Variants in SUMF1 observed in about 807,000 individuals in gnomAD.
The protein encoded by SUMF1 is sulfatase modifying factor 1.
SUMF1 carries 48 observed loss-of-function variants against 47.6 expected under a neutral mutation model. That is an observed-to-expected ratio of 1.01 (90% CI 0.80 to 1.28). SUMF1 has a LOEUF of 1.28. SUMF1 is among the 50% of genes most tolerant of loss of function. The probability of loss-of-function intolerance (pLI) is 0.00; values close to 1 mark genes in which losing one functional copy is unlikely to be tolerated. For synonymous variants in SUMF1, 230 were observed against 192.1 expected (o/e 1.20, Z -1.63); for missense variants, 571 against 485.4 (o/e 1.18, Z -1.66).
At chr3:4,196,244 A>G (rs1329634307) in intron 8 of SUMF1, among the ~76,000 whole-genome samples, 1 of 152,106 alleles carries the variant, frequency 6.6e-6, no homozygotes, top group Non-Finnish European at 1.5e-5. Context: ...TGCAACTCCA[A>G]TCATAAGGTC....
At chr3:4,140,996 CA>C (rs1338036441) in intron 8 of SUMF1, among the ~76,000 whole-genome samples, 4 of 152,064 alleles carry the variant, frequency 2.6e-5, no homozygotes, top group African/African-American at 7.2e-5. Context: ...ACATGATAAG[CA>C]AGTAAGAGAC....
intron 8 of SUMF1, chr3:4,313,871 G>C (rs1451220936): frequency 1.3e-6 from 2 of 1,536,786 alleles, no homozygotes; most frequent in South Asian, 2.5e-5. Flanking sequence ...ATGTGGCAGA[G>C]ACTGCAAGTT....
intron 3 of SUMF1, among the ~76,000 whole-genome samples, chr3:4,434,569 C>T (rs1386535886): frequency 1.3e-5 from 2 of 152,076 alleles, no homozygotes; most frequent in Non-Finnish European, 2.9e-5. Flanking sequence ...TACTAAAAGG[C>T]CTTCTATGTG....
At chr3:4,164,151 C>T (rs1028658434) in intron 8 of SUMF1, among the ~76,000 whole-genome samples, 3 of 152,126 alleles carry the variant, frequency 2.0e-5, no homozygotes, top group African/African-American at 7.2e-5. Context: ...ACAAGAAAGG[C>T]ATGTGAAAAG....
intron 8 of SUMF1, among the ~76,000 whole-genome samples, chr3:4,080,660 C>T (rs1455141843): frequency 6.6e-6 from 1 of 152,068 alleles, no homozygotes; most frequent in Non-Finnish European, 1.5e-5. Context: ...CACAGACATA[C>T]ATGTAATATA....
intron 8 of SUMF1, among the ~76,000 whole-genome samples, chr3:4,365,256 A>G (rs1329127670): frequency 8.3e-6 from 1 of 120,608 alleles, no homozygotes; most frequent in Non-Finnish European, 2.0e-5. Flanking sequence ...GCTGAGTTCA[A>G]TTCCTGGATA....
chr3:4,245,350 T>C (rs988999446), intron 8 of SUMF1, among the ~76,000 whole-genome samples: 3 of 152,228 alleles, frequency 2.0e-5, no homozygotes, highest in African/African-American at 7.2e-5. Flanking sequence ...CTTTCTGCTC[T>C]GGTCTCTCCC....
At chr3:4,257,954 G>A (rs929482440) in intron 8 of SUMF1, among the ~76,000 whole-genome samples, 160 of 152,028 alleles carry the variant, frequency 1.1e-3, no homozygotes, top group African/African-American at 3.7e-3. Flanking sequence ...CAGAAATAAC[G>A]CCGCATGTCT....
At chr3:4,374,997 T>TA (rs35303944) in intron 8 of SUMF1, among the ~76,000 whole-genome samples, 7 of 151,540 alleles carry the variant, frequency 4.6e-5, no homozygotes, top group Non-Finnish European at 1.0e-4. Flanking sequence ...ACCCCATCTC[T>TA]AAAAAAAATT....
chr3:4,297,179 G>A (rs1325948652), intron 8 of SUMF1, among the ~76,000 whole-genome samples: 3 of 152,030 alleles, frequency 2.0e-5, no homozygotes, highest in Non-Finnish European at 4.4e-5. Flanking sequence ...CTTTTTAGGA[G>A]ATCACTGTGT....
intron 8 of SUMF1, among the ~76,000 whole-genome samples, chr3:4,084,555 C>G (rs1050079478): frequency 3.9e-5 from 6 of 152,038 alleles, no homozygotes; most frequent in Non-Finnish European, 8.8e-5. Flanking sequence ...AAAGCATTTC[C>G]AGAACCAAGG....
intron 8 of SUMF1, among the ~76,000 whole-genome samples, chr3:4,352,945 AT>A (rs1699535418): frequency 6.6e-6 from 1 of 152,104 alleles, no homozygotes; most frequent in African/African-American, 2.4e-5. Context: ...AAAGGCTGTC[AT>A]TTTCTCCCAA....
intron 9 of SUMF1, among the ~76,000 whole-genome samples, chr3:4,053,621 C>T (rs537633706): frequency 1.2e-4 from 18 of 152,252 alleles, no homozygotes; most frequent in Middle Eastern, 3.4e-3. Context: ...AGAATCTTTT[C>T]TCCCCCTAAA....
rs1235708576 is a variant in SUMF1, at chr3:4,467,117, C to G, written c.129G>C (p.Ala43=). The G allele has an allele frequency of 6.4e-6, 10 of 1,560,756 alleles. No homozygotes were observed. Among genetic ancestry groups the G allele is most frequent in the Non-Finnish European group, 7.8e-6 (9 of 1,153,994 alleles). Residue 43 remains alanine, a synonymous_variant, in exon 1 of 9, where the codon GCG becomes GCC. Transcript: ENST00000272902. ...AGCCGCAAGAACCCGCAAGGGACCC[C>G]GCGCCCGCACCGGTCCCGGCCTCCT... The part of the protein sequence containing the change: ...GSQEAGTGAG[A]GSLAGSCGCG...
At chr3:4,466,579 G>A (rs1214289029) in intron 1 of SUMF1, among the ~76,000 whole-genome samples, 3 of 152,120 alleles carry the variant, frequency 2.0e-5, no homozygotes, top group African/African-American at 7.2e-5. Context: ...GAGTGTACTC[G>A]AGGAGACTAC....
intron 9 of SUMF1, among the ~76,000 whole-genome samples, chr3:4,060,937 G>T (rs1695267603): frequency 4.6e-5 from 7 of 152,146 alleles, no homozygotes. Flanking sequence ...AGGATGATAA[G>T]ATGACCTCTG....
chr3:4,097,363 G>C (rs1440179693), intron 8 of SUMF1, among the ~76,000 whole-genome samples: 1 of 152,040 alleles, frequency 6.6e-6, no homozygotes, highest in Non-Finnish European at 1.5e-5. Context: ...GACCAGCCTG[G>C]CCAAGATGGT....
intron 8 of SUMF1, among the ~76,000 whole-genome samples, chr3:4,152,261 C>T (rs1021580897): frequency 1.3e-5 from 2 of 151,400 alleles, no homozygotes; most frequent in Non-Finnish European, 2.9e-5. Flanking sequence ...ACTTTCTGGA[C>T]AGTCTAGAAG....
chr3:4,166,239 C>T (rs573599641), intron 8 of SUMF1, among the ~76,000 whole-genome samples: 8 of 152,268 alleles, frequency 5.3e-5, no homozygotes, highest in Non-Finnish European at 1.2e-4. Context: ...CCTTACCTTT[C>T]TCCTATAAGA....
Sources: allele counts gnomAD v4.1 joint callset (sites outside exome capture counted in the v4.1 genomes callset), GRCh38; gene constraint gnomAD v4.1.1; transcripts MANE v1.5; gene names NCBI Gene and HGNC (gene_info 2026-07-23, HGNC 2026-07-21).